Variants in KDM6B observed in about 807,000 individuals in gnomAD.
The protein encoded by KDM6B is lysine demethylase 6B, also known as lysine-specific demethylase 6B.
In KDM6B, 22 loss-of-function variants were observed where a neutral mutation model predicts 150.4. That is an observed-to-expected ratio of 0.15 (90% CI 0.10 to 0.21). The LOEUF (loss-of-function observed/expected upper bound fraction) is 0.21, where lower values mean the gene tolerates loss of function less well. KDM6B is among the 10% of genes least tolerant of loss of function. KDM6B has a pLI of 1.00. For missense variants in KDM6B, 1,984 were observed against 2,234.3 expected (o/e 0.89, Z 2.26); for synonymous variants, 1,148 against 921.1 (o/e 1.25, Z -4.46).
intron 1 of KDM6B, among the ~76,000 whole-genome samples, chr17:7,836,343 T>C (rs2078332959): frequency 1.3e-5 from 2 of 152,198 alleles, no homozygotes; most frequent in African/African-American, 4.8e-5. Flanking sequence ...CACTCGTCCT[T>C]CTTCGCTTCT....
Position 7,847,950 on chromosome 17 carries a change from C to T in KDM6B, c.1662C>T (p.Ser554=). ...CCCCAACCCCAACCACCAGCAGTAG[C>T]AACAGCAACAGTGGCAGCCACAGCA... ...PTPPTPTTSS[S]NSNSGSHSSS... is the part of the protein sequence containing the mutation. The change falls in exon 12 of 24, where the codon AGC becomes AGT. Residue 554 remains serine (S), a synonymous_variant. Transcript: ENST00000448097. 6.2e-7 allele frequency: 1 copy of T among 1,610,932 alleles called. No homozygotes were observed. Among genetic ancestry groups the T allele is most frequent in the South Asian group, 1.1e-5 (1 of 90,978 alleles).
chr17:7,843,686 C>T lies in KDM6B; in HGVS notation c.-268-1215C>T, dbSNP rs1463573526. Among the ~76,000 whole-genome samples, 1 of 152,130 alleles carries T rather than the reference C, an allele frequency of 6.6e-6. No homozygotes were observed. Among genetic ancestry groups the T allele is most frequent in the Non-Finnish European group, 1.5e-5 (1 of 67,990 alleles). On this transcript the variant is annotated intron_variant, in intron 2 of 23. Coordinates refer to ENST00000448097, the MANE Select transcript of KDM6B (RefSeq NM_001348716.2). This position sits in a 1 kb window ranked among gnomAD's most constrained non-coding sequence, Gnocchi z 4.5. ...CGCTCGCTCCAGCTGGAGCGCTGGC[C>T]CCGCCCCCGCGGCTTTGTACTCGAC...
chr17:7,843,743 C>T lies in KDM6B; in HGVS notation c.-268-1158C>T, dbSNP rs1026346278. Among the ~76,000 whole-genome samples, 1 of 152,086 alleles carries T rather than the reference C, an allele frequency of 6.6e-6. No individual in the cohort carries two copies. Among genetic ancestry groups the T allele is most frequent in the African/African-American group, 2.4e-5 (1 of 41,414 alleles). On this transcript the variant is annotated intron_variant, in intron 2 of 23. Transcript: ENST00000448097. The surrounding 1 kb of genome is among the most constrained non-coding windows in gnomAD (Gnocchi z 4.5). ...CTCTCGCTGCTCTTTGTACTCTAGA[C>T]TCTCAATGGACCGATCCCGGGAGCC... is the stretch of plus-strand genomic sequence containing the variant.
rs2078596632 is a variant in KDM6B at position 7,847,914 on chromosome 17, C to T, written c.1626C>T (p.Thr542=). ...RFSVGTQDSH[T]PPTPPTPTTS... ...CTGTGGGCACTCAGGATTCTCACAC[C>T]CCTCCCACTCCCCCAACCCCAACCA... Residue 542 remains threonine, a synonymous_variant, in exon 12 of 24, where the codon ACC becomes ACT. Coordinates refer to ENST00000448097, the MANE Select transcript of KDM6B (RefSeq NM_001348716.2). 1 of 1,611,168 alleles carries T rather than the reference C, an allele frequency of 6.2e-7. No homozygotes were observed. Among genetic ancestry groups the T allele is most frequent in the Non-Finnish European group, 8.5e-7 (1 of 1,179,142 alleles).
intron 2 of KDM6B, among the ~76,000 whole-genome samples, chr17:7,840,875 A>C (rs4791840): frequency 0.3 from 45,509 of 152,028 alleles, 7,980 homozygotes; most frequent in East Asian, 0.83. Context: ...CTCCTACTTT[A>C]TCCTCTAGAG....
Position 7,845,034 on chromosome 17 carries a change from G to GTAT in KDM6B, c.-149+14_-149+15insTAT. 4.1e-5 allele frequency: 8 copies of GTAT among 192,936 alleles called. No homozygotes were observed. The highest frequency in any genetic ancestry group is 2.5e-4 in the South Asian group (3 of 12,064). The allele number at this position is 192,936 out of a possible 1,614,324, so 12.0% of individuals were successfully genotyped here. ...CACGGAGGCCGGGTAAGCGGCCGCT[G>GTAT]CGTTTTGGGTCGGCCCAGTGGCTCC... On this transcript the variant is annotated intron_variant, in intron 3 of 23. Transcript: ENST00000448097.
At position 7,846,157 on chromosome 17, in the gene KDM6B, C is replaced by G. The variant is rs751266608; in HGVS notation, c.316C>G (p.Gln106Glu). 6.2e-7 allele frequency: 1 copy of G among 1,614,048 alleles called. No homozygotes were observed. Among genetic ancestry groups the G allele is most frequent in the Non-Finnish European group, 8.5e-7 (1 of 1,179,988 alleles). Residue 106 changes from glutamine (Q) to glutamate (E), a missense_variant, in exon 7 of 24, where the codon CAG becomes GAG. Around this residue, in one of 13 missense-constraint regions of KDM6B, gnomAD observed 337 missense variants for 323.9 expected, o/e 1.04. Coordinates refer to ENST00000448097, the MANE Select transcript of KDM6B (RefSeq NM_001348716.2). ...CVQALLREPA[Q>E]PGLWEQLGQL... ...GCAGGCATTGCTCCGGGAGCCAGCCCAGCCAGGGCTTTGGGAACAGCTTGG... is the reference window on the plus strand; with the variant it reads ...GCAGGCATTGCTCCGGGAGCCAGCCGAGCCAGGGCTTTGGGAACAGCTTGG...
Position 7,853,275 on chromosome 17 carries a change from C to T in KDM6B, c.4803C>T (p.His1601=), listed in dbSNP as rs2078739941. The stretch of plus-strand genomic sequence containing the variant: ...GCAGCCGCAACACGTACCTGGTACA[C>T]TGCGAGGGCTGTGCCCGGCGCCGCA... ...ENGSRNTYLV[H]CEGCARRRSA... Residue 1601 remains histidine, a synonymous_variant, in exon 23 of 24, where the codon CAC becomes CAT. Coordinates refer to ENST00000448097, the MANE Select transcript of KDM6B (RefSeq NM_001348716.2). 1 of 1,608,902 alleles carries T rather than the reference C, an allele frequency of 6.2e-7. No individual in the cohort carries two copies. Among genetic ancestry groups the T allele is most frequent in the Admixed American group, 1.7e-5 (1 of 59,334 alleles).
Position 7,849,717 on chromosome 17 carries a change from G to T in KDM6B, c.3429G>T (p.Val1143=), listed in dbSNP as rs988970890. ...TCAGCCACTGTGCTGCTGACGTCGT[G>T]CGCGCCAGCAGGTGAGTCGGCTGCC... ...LTISHCAADV[V]RASRNAKVKG... is the part of the protein sequence containing the mutation. Residue 1143 remains valine (V), a synonymous_variant, in exon 12 of 24, where the codon GTG becomes GTT. Coordinates refer to ENST00000448097, the MANE Select transcript of KDM6B (RefSeq NM_001348716.2). 4 of 1,611,566 alleles carry T rather than the reference G, an allele frequency of 2.5e-6. No homozygotes were observed. In the African/African-American group the frequency reaches 5.3e-5, roughly 22 times the overall value.
At position 7,847,530 on chromosome 17, in the gene KDM6B, G is replaced by C. The variant is rs753979260; in HGVS notation, c.1258-16G>C. ...AGCCCGAGCAATGCTCCTACCACCT[G>C]CTTCTACACTTGCAGCCCGGCGCTG... On this transcript the variant is annotated splice_polypyrimidine_tract_variant and intron_variant, in intron 11 of 23. Coordinates refer to ENST00000448097, the MANE Select transcript of KDM6B (RefSeq NM_001348716.2). The C allele has an allele frequency of 5.0e-6, 8 of 1,611,456 alleles. No individual in the cohort carries two copies. The highest frequency in any genetic ancestry group is 6.8e-6 in the Non-Finnish European group (8 of 1,179,538).
rs1185364925 is a variant in KDM6B, at chr17:7,852,077, C to T, written c.4280+12C>T. 1.2e-6 allele frequency: 2 copies of T among 1,613,814 alleles called. No homozygotes were observed. The highest frequency in any genetic ancestry group is 2.2e-5 in the East Asian group (1 of 44,892). The stretch of plus-strand genomic sequence containing the variant: ...GCTTTCTGTGATCGGTGCGTGCCGT[C>T]CTGCGCAAGTCAGACTGCCGCGTCC... On this transcript the variant is annotated intron_variant, in intron 19 of 23. Coordinates refer to ENST00000448097, the MANE Select transcript of KDM6B (RefSeq NM_001348716.2).
rs138617383 is a variant in KDM6B, at chr17:7,834,364, G to T, written c.-388+14G>T. ...CCCCAGAACCAGGTAACGGGGAGCC[G>T]CGAGGACGTCTGTAAAGAGGGAAAC... On this transcript the variant is annotated intron_variant, in intron 1 of 23. Transcript: ENST00000448097. 6.6e-6 allele frequency among the ~76,000 whole-genome samples: 1 copy of T among 152,040 alleles called. No homozygotes were observed. The highest frequency in any genetic ancestry group is 2.4e-5 in the African/African-American group (1 of 41,424).
At position 7,838,161 on chromosome 17, in the gene KDM6B, C is replaced by G. The variant is rs371747668; in HGVS notation, c.-387-1745C>G. On this transcript the variant is annotated intron_variant, in intron 1 of 23. Coordinates refer to ENST00000448097, the MANE Select transcript of KDM6B (RefSeq NM_001348716.2). ...TTTGCAGAGGGACTCCACAGTTTCT[C>G]TAGTGGGGACAGGGCTAGGCTGAGG... is the stretch of plus-strand genomic sequence containing the variant. 3.8e-4 allele frequency among the ~76,000 whole-genome samples: 46 copies of G among 119,762 alleles called. No individual in the cohort carries two copies. The South Asian group carries it at 0.015, about 38-fold the overall frequency. 78.6% of individuals were successfully genotyped at this position (119,762 alleles called of 152,430 possible). A position where few individuals can be genotyped will look rare whatever the true frequency, so the allele number is the denominator to read the frequency against.
At chr17:7,850,577 C>T (rs548789939) in intron 14 of KDM6B, among the ~76,000 whole-genome samples, 1 of 152,298 alleles carries the variant, frequency 6.6e-6, no homozygotes, top group South Asian at 2.1e-4. Context: ...TTCTCCCTTC[C>T]CCACACTGAG....
rs201042397 is a variant in KDM6B at position 7,847,376 on chromosome 17, C to T, written c.1181C>T (p.Pro394Leu). ...GCCCCTTCCCGGCCCCCTGGCCTCC[C>T]CGGCACCACCACCAGCAGCAGCAGT... ...PYAPSRPPGLPGTTTSSSSSS... is the reference protein window; with the variant it reads ...PYAPSRPPGLLGTTTSSSSSS... Residue 394 changes from proline to leucine, a missense_variant, in exon 11 of 24, where the codon CCC becomes CTC. Pro to Leu is a moderately conservative substitution (Grantham distance 98). Around this residue, in one of 13 missense-constraint regions of KDM6B, gnomAD observed 1,379 missense variants for 1,275.6 expected, o/e 1.08. Coordinates refer to ENST00000448097, the MANE Select transcript of KDM6B (RefSeq NM_001348716.2). The T allele has an allele frequency of 1.2e-6, 2 of 1,613,194 alleles. No homozygotes were observed. Among genetic ancestry groups the T allele is most frequent in the East Asian group, 2.2e-5 (1 of 44,886 alleles).
rs967820177 is a variant in KDM6B, at chr17:7,843,796, CG to C, written c.-268-1102del. Among the ~76,000 whole-genome samples, 7 of 152,060 alleles carry C rather than the reference CG, an allele frequency of 4.6e-5. No individual in the cohort carries two copies. The highest frequency in any genetic ancestry group is 1.7e-4 in the African/African-American group (7 of 41,412). On this transcript the variant is annotated intron_variant, in intron 2 of 23. Coordinates refer to ENST00000448097, the MANE Select transcript of KDM6B (RefSeq NM_001348716.2). This position sits in a 1 kb window ranked among gnomAD's most constrained non-coding sequence, Gnocchi z 4.5. Reference sequence around the variant, plus strand: ...GTCGGCTCCCTACCTGCGGGGACGCCGGGTAGGCAAGGAGGAGGCGCGGGGA... The same window carrying C: ...GTCGGCTCCCTACCTGCGGGGACGCCGGTAGGCAAGGAGGAGGCGCGGGGA...
chr17:7,846,371 G>GGCCCGGGC, intron 7 of KDM6B, 29 bp from the exon 8 acceptor site: 3 of 1,488,922 alleles, frequency 2.0e-6, no homozygotes, highest in Non-Finnish European at 2.8e-6. Context: ...CCTGACATCT[G>GGCCCGGGC]CCCCTGCCCC....
In KDM6B at chr17:7,847,749, G is replaced by A. The variant is rs902555096; in HGVS notation, c.1461G>A (p.Lys487=). The A allele has an allele frequency of 8.5e-6, 13 of 1,532,426 alleles. No homozygotes were observed. The African/African-American group carries it at 1.2e-4, about 14-fold the overall frequency. 94.9% of individuals were successfully genotyped at this position (1,532,426 alleles called of 1,614,324 possible). A position where few individuals can be genotyped will look rare whatever the true frequency, so the allele number is the denominator to read the frequency against. The change falls in exon 12 of 24, where the codon AAG becomes AAA. Residue 487 remains lysine, a synonymous_variant. Coordinates refer to ENST00000448097, the MANE Select transcript of KDM6B (RefSeq NM_001348716.2). ...CCCCACCACCCCCTGCCTGGTTGAA[G>A]GGTCCGGCCTGCCGGGCAGCCCGAG... The part of the protein sequence containing the change: ...LRPPPPPAWL[K]GPACRAARED...
chr17:7,849,755 C>G (rs764424722), intron 12 of KDM6B, 27 bp downstream of exon 12: 4 of 1,612,556 alleles, frequency 2.5e-6, no homozygotes, highest in African/African-American at 1.3e-5. Flanking sequence ...CTTGCTTGTC[C>G]CGGAGACAGG....
Sources: gnomAD v4.1 joint callset for allele counts (sites outside exome capture counted in the v4.1 genomes callset) on GRCh38, gnomAD v4.1.1 for gene constraint, gnomAD v4.1.1 regional missense constraint, Gnocchi (gnomAD v3.1) non-coding constraint, MANE v1.5 for transcripts, NCBI Gene and HGNC (gene_info 2026-07-23, HGNC 2026-07-21) for gene names.